Variants in CUEDC2 observed in about 807,000 individuals in gnomAD.
CUEDC2 encodes the protein CUE domain-containing protein 2.
Under a neutral mutation model 36.0 loss-of-function variants are expected in CUEDC2, and 10 were observed. The ratio of observed to expected loss-of-function variants is 0.28; its 90% confidence interval spans 0.17 to 0.47. CUEDC2 has a LOEUF of 0.47. CUEDC2 is among the 20% of genes least tolerant of loss of function. The pLI is 0.99. For missense variants in CUEDC2, 269 were observed against 368.1 expected (o/e 0.73, Z 2.20); for synonymous variants, 133 against 141.8 (o/e 0.94, Z 0.44).
At chr10:102,431,981 T>C (rs1303077828) in intron 1 of CUEDC2, among the ~76,000 whole-genome samples, 1 of 151,576 alleles carries the variant, frequency 6.6e-6, no homozygotes, top group Non-Finnish European at 1.5e-5. Context: ...GTGAAAGGAG[T>C]CCTAGCGAAC....
chr10:102,431,274 G>A (rs1261361127), intron 1 of CUEDC2, among the ~76,000 whole-genome samples: 2 of 152,112 alleles, frequency 1.3e-5, no homozygotes, highest in African/African-American at 4.8e-5. Context: ...TGAGTAGCTG[G>A]GATTACAGTC....
At chr10:102,425,087 A>C in intron 2 of CUEDC2, 28 bp downstream of exon 2, 1 of 1,596,424 alleles carries the variant, frequency 6.3e-7, no homozygotes, top group Non-Finnish European at 8.6e-7. Flanking sequence ...CAGCACTGAC[A>C]TGAGCCTTCC....
At chr10:102,431,910 G>A (rs1159308348) in intron 1 of CUEDC2, among the ~76,000 whole-genome samples, 1 of 152,162 alleles carries the variant, frequency 6.6e-6, no homozygotes. Context: ...CCTTGGGGTG[G>A]GGAGGTGCTT....
intron 1 of CUEDC2, among the ~76,000 whole-genome samples, 183 bp from the exon 2 acceptor site, chr10:102,425,381 G>A (rs1481321891): frequency 6.7e-6 from 1 of 150,024 alleles, no homozygotes; most frequent in African/African-American, 2.5e-5. Flanking sequence ...GCCTGAGACA[G>A]GACAGGGCAC....
chr10:102,430,588 A>C (rs1236161458), intron 1 of CUEDC2, among the ~76,000 whole-genome samples: 1 of 152,184 alleles, frequency 6.6e-6, no homozygotes, highest in East Asian at 1.9e-4. Flanking sequence ...CCAAATAAAA[A>C]GACTTGCTCC....
Position 102,424,479 on chromosome 10 carries a change from G to A in CUEDC2, c.280+20C>T. 1.9e-6 allele frequency: 3 copies of A among 1,614,056 alleles called. No homozygotes were observed. The highest frequency in any genetic ancestry group is 2.2e-5 in the East Asian group (1 of 44,876). On this transcript the variant is annotated intron_variant, in intron 4 of 8. Coordinates refer to ENST00000369937, the MANE Select transcript of CUEDC2 (RefSeq NM_024040.3). This position sits in a 1 kb window ranked among gnomAD's most constrained non-coding sequence, Gnocchi z 4.2. ...GAGCGGGATTATGAATCACTCAGGT[G>A]CCCAGAGCCCCAGACTCACCTTTGT...
chr10:102,424,116 G>A lies in CUEDC2; in HGVS notation c.474C>T (p.Thr158=). The A allele has an allele frequency of 6.2e-7, 1 of 1,614,130 alleles. No individual in the cohort carries two copies. The part of the protein sequence containing the change: ...GVDVLLEVFP[T]CSVEQAQWVL... ...CCCACTGGGCCTGCTCCACCGAACA[G>A]GTAGGGAACACCTCCAGGAGTACAT... is the stretch of plus-strand genomic sequence containing the variant. The change falls in exon 6 of 9, where the codon ACC becomes ACT. Residue 158 remains threonine, a synonymous_variant. Coordinates refer to ENST00000369937, the MANE Select transcript of CUEDC2 (RefSeq NM_024040.3). This position sits in a 1 kb window ranked among gnomAD's most constrained non-coding sequence, Gnocchi z 4.2.
intron 1 of CUEDC2, among the ~76,000 whole-genome samples, chr10:102,426,863 C>T (rs1014590295): frequency 2.0e-5 from 3 of 151,746 alleles, no homozygotes; most frequent in African/African-American, 4.8e-5. Flanking sequence ...GTCCAGGGTT[C>T]GAGACCCAGG....
intron 1 of CUEDC2, among the ~76,000 whole-genome samples, chr10:102,428,151 G>A (rs2135472484): frequency 6.6e-6 from 1 of 152,150 alleles, no homozygotes; most frequent in South Asian, 2.1e-4. Context: ...ATGTTGGCCA[G>A]GCAGGTCTTG....
chr10:102,432,036 GC>G (rs1371878829), intron 1 of CUEDC2, among the ~76,000 whole-genome samples: 5 of 152,098 alleles, frequency 3.3e-5, no homozygotes, highest in African/African-American at 1.2e-4. Context: ...GGTCTTCACT[GC>G]TTCTCCCAGC....
In CUEDC2 at chr10:102,424,943, C is replaced by T; in HGVS notation, c.75-151G>A. Reference sequence around the variant, plus strand: ...GAGAGTATAACCCCCTCCCTCAGAGCTATGGTTTCCCATCTGCCCAACAAA... The same window carrying T: ...GAGAGTATAACCCCCTCCCTCAGAGTTATGGTTTCCCATCTGCCCAACAAA... On this transcript the variant is annotated intron_variant, in intron 2 of 8. Coordinates refer to ENST00000369937, the MANE Select transcript of CUEDC2 (RefSeq NM_024040.3). The surrounding 1 kb of genome is among the most constrained non-coding windows in gnomAD (Gnocchi z 4.2). The T allele has an allele frequency of 2.0e-6, 2 of 1,018,096 alleles. No individual in the cohort carries two copies. Among genetic ancestry groups the T allele is most frequent in the South Asian group, 3.1e-5 (2 of 65,354 alleles). The allele number at this position is 1,018,096 out of a possible 1,614,324, so 63.1% of individuals were successfully genotyped here. A position where few individuals can be genotyped will look rare whatever the true frequency, so the allele number is the denominator to read the frequency against.
intron 1 of CUEDC2, among the ~76,000 whole-genome samples, chr10:102,426,200 G>A (rs924701441): frequency 2.0e-5 from 3 of 152,114 alleles, no homozygotes; most frequent in African/African-American, 7.2e-5. Context: ...GCCCATACTG[G>A]CTAGGTGCTG....
At position 102,425,205 on chromosome 10, in the gene CUEDC2, G is replaced by T; in HGVS notation, c.-10-7C>A. The T allele has an allele frequency of 6.2e-7, 1 of 1,610,398 alleles. No homozygotes were observed. Among genetic ancestry groups the T allele is most frequent in the Non-Finnish European group, 8.5e-7 (1 of 1,177,212 alleles). On this transcript the variant is annotated splice_region_variant and splice_polypyrimidine_tract_variant and intron_variant, in intron 1 of 8. Transcript: ENST00000369937. Reference sequence around the variant, plus strand: ...CAGCTCCATGCTCTCTCTTCTGAAGGGACACAGACAGGATGGCCAGGCCTT... The same window carrying T: ...CAGCTCCATGCTCTCTCTTCTGAAGTGACACAGACAGGATGGCCAGGCCTT...
At chr10:102,429,055 CAA>C (rs1666820749) in intron 1 of CUEDC2, among the ~76,000 whole-genome samples, 1 of 151,404 alleles carries the variant, frequency 6.6e-6, no homozygotes, top group African/African-American at 2.4e-5. Flanking sequence ...AAAATATTTT[CAA>C]ATAAAAATAA....
chr10:102,424,091 C>T lies in CUEDC2; in HGVS notation c.499G>A (p.Val167Met). 6.2e-7 allele frequency: 1 copy of T among 1,614,142 alleles called. No homozygotes were observed. The highest frequency in any genetic ancestry group is 8.5e-7 in the Non-Finnish European group (1 of 1,180,008). Residue 167 changes from valine to methionine, a missense_variant, in exon 6 of 9, where the codon GTG becomes ATG. By Grantham distance (21) the Val-to-Met change is conservative. Transcript: ENST00000369937. This position sits in a 1 kb window ranked among gnomAD's most constrained non-coding sequence, Gnocchi z 4.2. ...AAGTCCCCCCGAGCTTTGGCCAGCA[C>T]CCACTGGGCCTGCTCCACCGAACAG... ...PTCSVEQAQW[V>M]LAKARGDLEE... is the part of the protein sequence containing the mutation.
intron 1 of CUEDC2, among the ~76,000 whole-genome samples, chr10:102,430,847 G>A (rs538865070): frequency 5.3e-4 from 81 of 152,128 alleles, no homozygotes; most frequent in Non-Finnish European, 9.4e-4. Context: ...CTTCTCCAGG[G>A]TAAGAACATG....
rs190533541 is a variant in CUEDC2 at position 102,428,805 on chromosome 10, C to T, written c.-10-3607G>A. 1.1e-4 allele frequency among the ~76,000 whole-genome samples: 17 copies of T among 152,246 alleles called. No individual in the cohort carries two copies. The East Asian group carries it at 1.9e-3, about 17-fold the overall frequency. ...TTGGGAGACCCAGGGGGTTGGATCA[C>T]GAGGTCAGGAGATCAAGACCATCTT... On this transcript the variant is annotated intron_variant, in intron 1 of 8. Transcript: ENST00000369937.
rs761445800 is a variant in CUEDC2, at chr10:102,423,485, C to T, written c.805G>A (p.Glu269Lys). The part of the protein sequence containing the change: ...RFKDVRNPEA[E>K]EMKATYINLK... ...TTGATGTATGTGGCCTTCATCTCCTCGGCCTCAGGGTTCCGCACATCTTTG... is the reference window on the plus strand; with the variant it reads ...TTGATGTATGTGGCCTTCATCTCCTTGGCCTCAGGGTTCCGCACATCTTTG... Residue 269 changes from glutamate (E) to lysine (K), a missense_variant, in exon 9 of 9, where the codon GAG (glutamate) becomes AAG (lysine). By Grantham distance (56) the Glu-to-Lys change is moderately conservative. Transcript: ENST00000369937. This position sits in a 1 kb window ranked among gnomAD's most constrained non-coding sequence, Gnocchi z 5.6. The T allele has an allele frequency of 1.5e-5, 25 of 1,614,198 alleles. No homozygotes were observed. The highest frequency in any genetic ancestry group is 1.3e-4 in the South Asian group (12 of 91,080).
intron 1 of CUEDC2, among the ~76,000 whole-genome samples, chr10:102,427,839 T>C (rs963323951): frequency 1.3e-5 from 2 of 152,232 alleles, no homozygotes; most frequent in Non-Finnish European, 2.9e-5. Context: ...TGGCTTTCCA[T>C]TGCCGTCCTT....
Sources: gnomAD v4.1 joint callset for allele counts (sites outside exome capture counted in the v4.1 genomes callset) on GRCh38, gnomAD v4.1.1 for gene constraint, Gnocchi (gnomAD v3.1) non-coding constraint, MANE v1.5 for transcripts, NCBI Gene and HGNC (gene_info 2026-07-23, HGNC 2026-07-21) for gene names.